The following PGM5 variants were observed in gnomAD, a reference collection of about 807,000 sequenced individuals.
PGM5 encodes phosphoglucomutase 5.
In PGM5, 23 loss-of-function variants were observed where a neutral mutation model predicts 59.2. That is an observed-to-expected ratio of 0.39 (90% CI 0.28 to 0.55). The LOEUF (loss-of-function observed/expected upper bound fraction) is 0.55. Ranked by LOEUF, PGM5 falls within the 20% of genes least tolerant of loss-of-function variation. PGM5 has a pLI of 0.66. For synonymous variants in PGM5, 214 were observed against 286.0 expected (o/e 0.75, Z 2.54); for missense variants, 574 against 748.3 (o/e 0.77, Z 2.72).
chr9:68,373,662 G>A (rs1448901726), intron 1 of PGM5, among the ~76,000 whole-genome samples: 11 of 152,080 alleles, frequency 7.2e-5, no homozygotes, highest in African/African-American at 1.9e-4. Flanking sequence ...TGTTTCTTTC[G>A]CTACTGCTTA....
intron 10 of PGM5, among the ~76,000 whole-genome samples, chr9:68,505,833 C>G (rs1824645003): frequency 1.3e-5 from 2 of 152,170 alleles, no homozygotes; most frequent in Admixed American, 6.5e-5. Context: ...GTCTCCAGCC[C>G]TGCTCCCCTC....
At chr9:68,439,698 T>C (rs1823497246) in intron 6 of PGM5, among the ~76,000 whole-genome samples, 1 of 149,824 alleles carries the variant, frequency 6.7e-6, no homozygotes, top group African/African-American at 2.5e-5. Flanking sequence ...CACACATATA[T>C]ATATATATAC....
chr9:68,407,835 T>G (rs1295879907), intron 6 of PGM5, among the ~76,000 whole-genome samples: 6 of 152,344 alleles, frequency 3.9e-5, no homozygotes, highest in African/African-American at 1.4e-4. Flanking sequence ...AGCAAAAGAA[T>G]TGCTCTTTGA....
At chr9:68,362,981 A>G (rs1361109843) in intron 1 of PGM5, among the ~76,000 whole-genome samples, 4 of 146,544 alleles carry the variant, frequency 2.7e-5, no homozygotes, top group African/African-American at 1.0e-4. Context: ...TGATTCTCCC[A>G]ACTCAGCCTC....
At chr9:68,418,648 T>A (rs180991637) in intron 6 of PGM5, among the ~76,000 whole-genome samples, 1,854 of 152,172 alleles carry the variant, frequency 0.012, 51 homozygotes, top group African/African-American at 0.043. Flanking sequence ...GCAGGACGAC[T>A]TGACTGGCTG....
In PGM5 at chr9:68,378,507, C is replaced by A. The variant is rs544783780; in HGVS notation, c.424+146C>A. 28 of 1,050,498 alleles carry A rather than the reference C, an allele frequency of 2.7e-5. No individual in the cohort carries two copies. In the South Asian group the frequency reaches 4.3e-4, roughly 16 times the overall value. The allele number at this position is 1,050,498 out of a possible 1,614,324, so 65.1% of individuals were successfully genotyped here. A position where few individuals can be genotyped will look rare whatever the true frequency, so the allele number is the denominator to read the frequency against. On this transcript the variant is annotated intron_variant, in intron 2 of 10. Coordinates refer to ENST00000396396, the MANE Select transcript of PGM5 (RefSeq NM_021965.4). The stretch of plus-strand genomic sequence containing the variant: ...CAGTGAGGTGCCCAAAGAGATCCAA[C>A]AAAGAAGTGGCATGATGGGCTCATG...
At chr9:68,516,685 C>T (rs1002114255) in intron 10 of PGM5, among the ~76,000 whole-genome samples, 4 of 152,138 alleles carry the variant, frequency 2.6e-5, no homozygotes, top group Non-Finnish European at 5.9e-5. Context: ...AGCACACACT[C>T]TCAGGACTCC....
At chr9:68,381,352 T>G (rs1249807932) in intron 2 of PGM5, among the ~76,000 whole-genome samples, 3 of 151,720 alleles carry the variant, frequency 2.0e-5, no homozygotes, top group Non-Finnish European at 4.4e-5. Flanking sequence ...TCTTAACACT[T>G]TAGGTATAGA....
intron 6 of PGM5, chr9:68,394,235 G>A (rs554401405): frequency 8.9e-4 from 136 of 152,174 alleles, no homozygotes; most frequent in African/African-American, 3.1e-3. Context: ...GCATTTCACT[G>A]TATATAAATT....
chr9:68,457,961 T>C (rs1418468985), intron 6 of PGM5, among the ~76,000 whole-genome samples: 3 of 152,208 alleles, frequency 2.0e-5, no homozygotes, highest in Non-Finnish European at 4.4e-5. Context: ...CTTGACTATC[T>C]CTCAACTTAG....
intron 10 of PGM5, among the ~76,000 whole-genome samples, chr9:68,522,145 C>T (rs942226672): frequency 1.3e-5 from 2 of 152,162 alleles, no homozygotes; most frequent in Non-Finnish European, 2.9e-5. Flanking sequence ...ATCCCAGCTA[C>T]TCAGGAGGCT....
intron 6 of PGM5, among the ~76,000 whole-genome samples, chr9:68,438,327 C>T (rs1320272060): frequency 4.8e-5 from 7 of 145,976 alleles, no homozygotes; most frequent in East Asian, 2.0e-4. Context: ...AGAATCTGAG[C>T]GGTTGAAGGT....
chr9:68,507,910 T>G (rs1824683825), intron 10 of PGM5, among the ~76,000 whole-genome samples: 1 of 152,230 alleles, frequency 6.6e-6, no homozygotes, highest in Non-Finnish European at 1.5e-5. Flanking sequence ...GTTGGTCATC[T>G]GATGGCATGT....
intron 4 of PGM5, among the ~76,000 whole-genome samples, chr9:68,390,853 T>C (rs1822346581): frequency 6.6e-6 from 1 of 152,148 alleles, no homozygotes; most frequent in Admixed American, 6.6e-5. Context: ...TTGGATATAA[T>C]TATTTCATCA....
Position 68,467,917 on chromosome 9 carries a change from T to C in PGM5, c.1159+2709T>C, listed in dbSNP as rs1209311882. Among the ~76,000 whole-genome samples the C allele has an allele frequency of 3.9e-5, 6 of 152,164 alleles. No individual in the cohort carries two copies. The South Asian group carries it at 6.2e-4, about 16-fold the overall frequency. On this transcript the variant is annotated intron_variant, in intron 7 of 10. Coordinates refer to ENST00000396396, the MANE Select transcript of PGM5 (RefSeq NM_021965.4). The stretch of plus-strand genomic sequence containing the variant: ...CATATTAATTGTAGTGGATTTTTTT[T>C]CCAAAAACTCTATATTCTCTTGGGA...
intron 6 of PGM5, among the ~76,000 whole-genome samples, chr9:68,458,115 T>G (rs11142499): frequency 0.021 from 3,189 of 152,324 alleles, 95 homozygotes; most frequent in East Asian, 0.087. Context: ...ATTCCCCAGA[T>G]GTAGGGGTCC....
chr9:68,489,676 A>T (rs2132097798), intron 9 of PGM5, among the ~76,000 whole-genome samples: 1 of 151,954 alleles, frequency 6.6e-6, no homozygotes, highest in East Asian at 1.9e-4. Context: ...CATGTTGGCC[A>T]GTCTGATCTC....
At chr9:68,470,641 C>A (rs1824004138) in intron 7 of PGM5, among the ~76,000 whole-genome samples, 1 of 152,246 alleles carries the variant, frequency 6.6e-6, no homozygotes, top group Admixed American at 6.5e-5. Context: ...TCTCTTTTCG[C>A]ATCTGCCGAT....
intron 9 of PGM5, among the ~76,000 whole-genome samples, chr9:68,492,973 G>A (rs559785669): frequency 9.2e-5 from 14 of 152,242 alleles, no homozygotes; most frequent in African/African-American, 3.1e-4. Flanking sequence ...AGTTAGGCTC[G>A]CAGAGTCTCT....
Sources: allele counts gnomAD v4.1 joint callset (sites outside exome capture counted in the v4.1 genomes callset), GRCh38; gene constraint gnomAD v4.1.1; transcripts MANE v1.5; gene names NCBI Gene and HGNC (gene_info 2026-07-23, HGNC 2026-07-21).